Variants in NTM observed in about 807,000 individuals in gnomAD.
NTM encodes neurotrimin, also known as IgLON family member 2.
In NTM, 13 loss-of-function variants were observed where a neutral mutation model predicts 42.1. The ratio of observed to expected loss-of-function variants is 0.31; its 90% confidence interval spans 0.20 to 0.49. The LOEUF is 0.49. NTM is among the 20% of genes least tolerant of loss of function. NTM has a pLI of 0.99. For synonymous variants in NTM, 187 were observed against 179.2 expected (o/e 1.04, Z -0.35); for missense variants, 373 against 452.8 (o/e 0.82, Z 1.60).
At chr11:131,945,509 C>A (rs895818494) in intron 2 of NTM, among the ~76,000 whole-genome samples, 18 of 152,256 alleles carry the variant, frequency 1.2e-4, no homozygotes, top group African/African-American at 4.3e-4. Context: ...GAGCCCCTAA[C>A]ACATGTAAGC....
Position 131,762,930 on chromosome 11 carries a change from A to C in NTM, c.83-148634A>C, listed in dbSNP as rs185202650. Among the ~76,000 whole-genome samples, 893 of 152,322 alleles carry C rather than the reference A, an allele frequency of 5.9e-3. 7 individuals are homozygous for C. The highest frequency in any genetic ancestry group is 0.018 in the African/African-American group (768 of 41,576). ...GCTGAGCGATGCCATGTGCTTATTCATGCTGCCTGCTGCTGGCAGCCCGGG... is the reference window on the plus strand; with the variant it reads ...GCTGAGCGATGCCATGTGCTTATTCCTGCTGCCTGCTGCTGGCAGCCCGGG... On this transcript the variant is annotated intron_variant, in intron 1 of 8. Coordinates refer to ENST00000683400, the MANE Select transcript of NTM (RefSeq NM_001352005.2).
chr11:132,160,475 A>G (rs990152472), intron 3 of NTM, among the ~76,000 whole-genome samples: 3 of 152,288 alleles, frequency 2.0e-5, no homozygotes, highest in African/African-American at 4.8e-5. Context: ...AAAGATGCAT[A>G]TATAGCAATC....
chr11:132,017,789 CCTTTT>C (rs2073669563), intron 2 of NTM, among the ~76,000 whole-genome samples: 1 of 151,910 alleles, frequency 6.6e-6, no homozygotes, highest in African/African-American at 2.4e-5. Flanking sequence ...ACATGGAATG[CCTTTT>C]CTTTTATTTA....
chr11:131,485,128 T>C (rs1378820491), intron 1 of NTM, among the ~76,000 whole-genome samples: 3 of 152,210 alleles, frequency 2.0e-5, no homozygotes, highest in African/African-American at 7.2e-5. Context: ...AAATTCTCAG[T>C]TGGTACCAGA....
At chr11:131,425,909 G>A (rs999128498) in intron 1 of NTM, among the ~76,000 whole-genome samples, 1 of 152,136 alleles carries the variant, frequency 6.6e-6, no homozygotes, top group Admixed American at 6.5e-5. Flanking sequence ...TAGTAGAGTT[G>A]TGTTGAGGAA....
chr11:132,294,601 A>G (rs1278664161), intron 4 of NTM, among the ~76,000 whole-genome samples: 1 of 152,172 alleles, frequency 6.6e-6, no homozygotes, highest in Non-Finnish European at 1.5e-5. Flanking sequence ...TGCAACTTAC[A>G]TCGAGCAGTT....
chr11:131,655,118 GTT>G (rs1005803227), intron 1 of NTM, among the ~76,000 whole-genome samples: 2 of 152,294 alleles, frequency 1.3e-5, no homozygotes, highest in African/African-American at 4.8e-5. Context: ...CACTCAGAGA[GTT>G]TTTAGAAACA....
chr11:132,315,892 TCTCTCACACAGGGA>T (rs1475445714), intron 7 of NTM, among the ~76,000 whole-genome samples: 2 of 152,178 alleles, frequency 1.3e-5, no homozygotes, highest in African/African-American at 4.8e-5. Flanking sequence ...GTGTCTGGCA[TCTCTCACACAGGGA>T]TGATCATAAG....
intron 2 of NTM, among the ~76,000 whole-genome samples, chr11:131,946,013 TG>T (rs947963813): frequency 1.3e-5 from 2 of 152,196 alleles, no homozygotes; most frequent in African/African-American, 4.8e-5. Flanking sequence ...GCTAATGAAC[TG>T]GGGTTAGTTA....
At chr11:131,905,225 C>T (rs948158997) in intron 1 of NTM, among the ~76,000 whole-genome samples, 1 of 152,214 alleles carries the variant, frequency 6.6e-6, no homozygotes, top group African/African-American at 2.4e-5. Context: ...CAAGGTCCCA[C>T]AGCTAGTAAT....
intron 1 of NTM, 139 bp from the exon 2 acceptor site, chr11:131,911,425 C>T (rs2054959130): frequency 6.2e-6 from 10 of 1,610,636 alleles, no homozygotes; most frequent in Non-Finnish European, 7.6e-6. Flanking sequence ...CCTGTGCTCG[C>T]CCGGGGGGCG....
In NTM at chr11:131,721,536, G is replaced by A. The variant is rs763309057; in HGVS notation, c.83-190028G>A. ...TATTAAATATGCATGGTGACTGACA[G>A]CACTGGCTTTGGAGTCAAATATGAG... On this transcript the variant is annotated intron_variant, in intron 1 of 8. Coordinates refer to ENST00000683400, the MANE Select transcript of NTM (RefSeq NM_001352005.2). Among the ~76,000 whole-genome samples the A allele has an allele frequency of 1.1e-3, 166 of 152,104 alleles. 1 individual carries two copies. The highest frequency in any genetic ancestry group is 2.0e-3 in the Non-Finnish European group (135 of 68,014).
At chr11:131,955,831 G>A (rs944642396) in intron 2 of NTM, among the ~76,000 whole-genome samples, 8 of 152,226 alleles carry the variant, frequency 5.3e-5, no homozygotes, top group East Asian at 3.9e-4. Flanking sequence ...TATAATGTCC[G>A]CGCTTTGACT....
intron 1 of NTM, among the ~76,000 whole-genome samples, chr11:131,621,508 G>A (rs563622492): frequency 1.3e-5 from 2 of 152,036 alleles, no homozygotes; most frequent in African/African-American, 2.4e-5. Flanking sequence ...CTGTCAAAGA[G>A]GAAGCTACAG....
chr11:131,687,016 A>G (rs561182769), intron 1 of NTM, among the ~76,000 whole-genome samples: 30 of 152,268 alleles, frequency 2.0e-4, no homozygotes, highest in African/African-American at 6.7e-4. Flanking sequence ...GTTCTGCCCC[A>G]GTTCGGGACA....
chr11:132,197,940 G>C (rs996695857), intron 3 of NTM, among the ~76,000 whole-genome samples: 4 of 152,002 alleles, frequency 2.6e-5, no homozygotes, highest in East Asian at 1.9e-4. Context: ...GCTATTGTGA[G>C]TAGTGCCACA....
chr11:132,037,063 G>C (rs2076594915), intron 2 of NTM, among the ~76,000 whole-genome samples: 1 of 152,156 alleles, frequency 6.6e-6, no homozygotes, highest in Non-Finnish European at 1.5e-5. Flanking sequence ...TTGGATGTTT[G>C]ATCTCTGCAA....
At chr11:131,476,413 C>T (rs957425070) in intron 1 of NTM, among the ~76,000 whole-genome samples, 6 of 152,328 alleles carry the variant, frequency 3.9e-5, no homozygotes, top group African/African-American at 1.4e-4. Context: ...GAAGGTCTCC[C>T]TGCTCGTCTA....
chr11:132,141,853 G>A (rs1047454622), intron 2 of NTM, among the ~76,000 whole-genome samples: 3 of 152,148 alleles, frequency 2.0e-5, no homozygotes, highest in Non-Finnish European at 2.9e-5. Flanking sequence ...GGCTGTCCAC[G>A]GGGGCCACAC....
Sources: allele counts gnomAD v4.1 joint callset (sites outside exome capture counted in the v4.1 genomes callset), GRCh38; gene constraint gnomAD v4.1.1; transcripts MANE v1.5; gene names NCBI Gene and HGNC (gene_info 2026-07-23, HGNC 2026-07-21).